PHLPP1: variants seen among roughly 807,000 people sequenced by gnomAD.
PHLPP1 encodes the protein PH domain leucine-rich repeat-containing protein phosphatase 1.
In PHLPP1, 42 loss-of-function variants were observed where a neutral mutation model predicts 117.2. That is an observed-to-expected ratio of 0.36 (90% CI 0.28 to 0.46). The LOEUF (loss-of-function observed/expected upper bound fraction) is 0.46, where lower values mean the gene tolerates loss of function less well. Ranked by LOEUF, PHLPP1 falls within the 20% of genes least tolerant of loss-of-function variation. The pLI, the probability that PHLPP1 is intolerant of heterozygous loss-of-function variation, is 1.00. For missense variants in PHLPP1, 2,084 were observed against 2,241.9 expected (o/e 0.93, Z 1.42); for synonymous variants, 1,042 against 970.7 (o/e 1.07, Z -1.37).
At chr18:62,786,658 A>G (rs1012132864) in intron 1 of PHLPP1, among the ~76,000 whole-genome samples, 2 of 152,162 alleles carry the variant, frequency 1.3e-5, no homozygotes, top group African/African-American at 4.8e-5. Flanking sequence ...TGAATAAAAA[A>G]TCATTGACTT....
intron 3 of PHLPP1, among the ~76,000 whole-genome samples, chr18:62,845,426 G>A (rs1426457851): frequency 6.6e-6 from 1 of 152,116 alleles, no homozygotes; most frequent in Non-Finnish European, 1.5e-5. Context: ...ATGAAATGAT[G>A]AGCAAACATC....
At chr18:62,965,988 A>G (rs1910892871) in intron 14 of PHLPP1, among the ~76,000 whole-genome samples, 1 of 152,142 alleles carries the variant, frequency 6.6e-6, no homozygotes, top group Admixed American at 6.5e-5. Context: ...TTGCCATATA[A>G]TTTTGGATAA....
intron 1 of PHLPP1, among the ~76,000 whole-genome samples, chr18:62,792,943 G>C (rs1002918917): frequency 6.6e-6 from 1 of 151,860 alleles, no homozygotes; most frequent in Non-Finnish European, 1.5e-5. Context: ...GGGAGGCTGA[G>C]GTGGGTGGAT....
intron 1 of PHLPP1, among the ~76,000 whole-genome samples, chr18:62,822,274 T>TTTTTG (rs1568128026): frequency 2.8e-5 from 4 of 142,504 alleles, no homozygotes; most frequent in African/African-American, 7.7e-5. Context: ...TGTTTTTTTT[T>TTTTTG]TTTTTGTTTT....
Position 62,717,132 on chromosome 18 carries a change from G to A in PHLPP1, c.1449G>A (p.Leu483=). ...TCCACGGAGAGACCACCCGGCGCTT[G>A]GAGGCGGAGGAGAAGCCATTGCAGA... ...VQLHGETTRR[L]EAEEKPLQIQ... is the part of the protein sequence containing the mutation. Residue 483 remains leucine (L), a synonymous_variant, in exon 1 of 17, where the codon TTG becomes TTA. Transcript: ENST00000262719. The A allele has an allele frequency of 2.5e-6, 4 of 1,603,126 alleles. No individual in the cohort carries two copies. Among genetic ancestry groups the A allele is most frequent in the Non-Finnish European group, 2.6e-6 (3 of 1,175,400 alleles).
At chr18:62,763,566 C>T (rs1174573451) in intron 1 of PHLPP1, among the ~76,000 whole-genome samples, 1 of 152,132 alleles carries the variant, frequency 6.6e-6, no homozygotes. Flanking sequence ...GAAGGAACTC[C>T]GAGACTGCTA....
rs567001139 is a variant in PHLPP1, at chr18:62,893,325, A to G, written c.2067-1686A>G. 1.7e-3 allele frequency among the ~76,000 whole-genome samples: 266 copies of G among 152,300 alleles called. 4 individuals carry two copies. Among genetic ancestry groups the G allele is most frequent in the Non-Finnish European group, 2.4e-3 (165 of 68,008 alleles). ...CTCCCAAAGTGCTGGGATTACAGGT[A>G]TGAGCCACTGCACCTGGCTGAGGAT... On this transcript the variant is annotated intron_variant, in intron 4 of 16. Transcript: ENST00000262719.
chr18:62,717,039 C>T lies in PHLPP1; in HGVS notation c.1356C>T (p.Pro452=). ...CCCCGGGAGGCCTCCAGTCTACCCC[C>T]GGGAGGAGCGGGGTGACCGCGGAGA... ...AVAPGGLQST[P]GRSGVTAEKA... The change falls in exon 1 of 17, where the codon CCC becomes CCT. Residue 452 remains proline, a synonymous_variant. Transcript: ENST00000262719. 2.6e-6 allele frequency: 4 copies of T among 1,546,228 alleles called. No homozygotes were observed. In the East Asian group the frequency reaches 7.3e-5, roughly 28 times the overall value.
chr18:62,945,317 A>C (rs1380530197), intron 12 of PHLPP1, 46 bp downstream of exon 12: 2 of 1,485,982 alleles, frequency 1.3e-6, no homozygotes, highest in African/African-American at 2.8e-5. Context: ...GTCGGCAAAG[A>C]AAGTTGACTT....
At chr18:62,794,292 G>A (rs543732467) in intron 1 of PHLPP1, among the ~76,000 whole-genome samples, 30 of 151,230 alleles carry the variant, frequency 2.0e-4, no homozygotes, top group African/African-American at 6.8e-4. Context: ...TTATAAATTA[G>A]TATATTAGTC....
chr18:62,872,176 G>C (rs948699796), intron 4 of PHLPP1, among the ~76,000 whole-genome samples: 4 of 152,178 alleles, frequency 2.6e-5, no homozygotes, highest in Non-Finnish European at 2.9e-5. Context: ...CTAAAGAAGT[G>C]ACAAAATCTA....
Position 62,830,128 on chromosome 18 carries a change from G to A in PHLPP1, c.1670G>A (p.Trp557Ter). The A allele has an allele frequency of 6.2e-7, 1 of 1,611,774 alleles. No homozygotes were observed. Among genetic ancestry groups the A allele is most frequent in the South Asian group, 1.1e-5 (1 of 90,434 alleles). ...KGKMQLPVNR[W>*]TRRQVILCGT... ...AAGATGCAGTTGCCAGTGAACCGAT[G>A]GACAAGACGCCAAGTCATCCTATGT... The change falls in exon 2 of 17, where the codon TGG becomes TAG. Residue 557 changes from tryptophan to a stop codon, truncating the protein, a stop_gained. Coordinates refer to ENST00000262719, the MANE Select transcript of PHLPP1 (RefSeq NM_194449.4). LOFTEE classifies it high-confidence loss of function.
rs1371664083 is a variant in PHLPP1, at chr18:62,849,826, A to ATATATATATATATATATAT, written c.1900-10609_1900-10608insTATATATATATATATATAT. Among the ~76,000 whole-genome samples, 33 of 33,814 alleles carry ATATATATATATATATATAT rather than the reference A, an allele frequency of 9.8e-4. 1 individual carries two copies. The highest frequency in any genetic ancestry group is 1.4e-3 in the Non-Finnish European group (22 of 15,312). The allele number at this position is 33,814 out of a possible 152,430, so 22.2% of individuals were successfully genotyped here. A position where few individuals can be genotyped will look rare whatever the true frequency, so the allele number is the denominator to read the frequency against. On this transcript the variant is annotated intron_variant, in intron 3 of 16. Coordinates refer to ENST00000262719, the MANE Select transcript of PHLPP1 (RefSeq NM_194449.4). The stretch of plus-strand genomic sequence containing the variant: ...AAAAAAAAAAAAAAAAAAAAAAAAA[A>ATATATATATATATATATAT]AAAAAAATATATATATCCTTTAAAG...
chr18:62,758,563 CTAAAG>C (rs1912105836), intron 1 of PHLPP1, among the ~76,000 whole-genome samples: 2 of 152,222 alleles, frequency 1.3e-5, no homozygotes, highest in African/African-American at 2.4e-5. Flanking sequence ...CTTCTTTTTG[CTAAAG>C]TAAAGAGCCT....
intron 10 of PHLPP1, among the ~76,000 whole-genome samples, chr18:62,939,927 A>ATAGTCCTGAATTGAATGGTGAAAG (rs1910079851): frequency 6.6e-6 from 1 of 151,858 alleles, no homozygotes; most frequent in South Asian, 2.1e-4. Context: ...AGATGGCAGA[A>ATAGTCCTGAATTGAATGGTGAAAG]TAGTCCTGAA....
chr18:62,792,148 A>C (rs1041417615), intron 1 of PHLPP1, among the ~76,000 whole-genome samples: 1 of 152,196 alleles, frequency 6.6e-6, no homozygotes, highest in African/African-American at 2.4e-5. Context: ...CTGCTATGGA[A>C]ATAGGAAAGT....
At chr18:62,820,213 C>T (rs1914407004) in intron 1 of PHLPP1, among the ~76,000 whole-genome samples, 1 of 152,152 alleles carries the variant, frequency 6.6e-6, no homozygotes, top group Non-Finnish European at 1.5e-5. Flanking sequence ...GCTGGTAGAA[C>T]TGCAAGCAGA....
chr18:62,788,149 G>C (rs1181323559), intron 1 of PHLPP1, among the ~76,000 whole-genome samples: 3 of 152,200 alleles, frequency 2.0e-5, no homozygotes, highest in African/African-American at 7.2e-5. Flanking sequence ...GCGCAGCAGA[G>C]AGGCCCTTTT....
chr18:62,797,393 A>G (rs1913656556), intron 1 of PHLPP1, among the ~76,000 whole-genome samples: 1 of 152,222 alleles, frequency 6.6e-6, no homozygotes, highest in Non-Finnish European at 1.5e-5. Context: ...CTGTGTCCCC[A>G]TAAAGCTTAT....
Sources: allele counts gnomAD v4.1 joint callset (sites outside exome capture counted in the v4.1 genomes callset), GRCh38; gene constraint gnomAD v4.1.1; transcripts MANE v1.5; gene names NCBI Gene and HGNC (gene_info 2026-07-23, HGNC 2026-07-21).